Variants in LAMC1 observed in about 807,000 individuals in gnomAD.
LAMC1 encodes laminin subunit gamma-1.
In LAMC1, 38 loss-of-function variants were observed where a neutral mutation model predicts 173.6. That is an observed-to-expected ratio of 0.22 (90% confidence interval 0.17 to 0.29). The LOEUF (loss-of-function observed/expected upper bound fraction) is 0.29. Ranked by LOEUF, LAMC1 falls within the 10% of genes least tolerant of loss-of-function variation. The pLI, the probability that LAMC1 is intolerant of heterozygous loss-of-function variation, is 1.00. For missense variants in LAMC1, 1,824 were observed against 2,051.8 expected (o/e 0.89, Z 2.14); for synonymous variants, 746 against 749.1 (o/e 1.00, Z 0.07).
At chr1:183,037,729 C>G (rs1175099625) in intron 1 of LAMC1, among the ~76,000 whole-genome samples, 5 of 152,086 alleles carry the variant, frequency 3.3e-5, no homozygotes, top group Non-Finnish European at 5.9e-5. Flanking sequence ...TCAGAGGACT[C>G]TTAGATACCT....
chr1:183,121,950 A>G lies in LAMC1; in HGVS notation c.2212+6A>G, dbSNP rs772982580. ...GACCTGTGATCCTGAGACAGGTGAG[A>G]TGATCTTTGGCAGCTCTTAGACCTA... On this transcript the variant is annotated splice_donor_region_variant and intron_variant, in intron 12 of 27. Transcript: ENST00000258341. 2.5e-6 allele frequency: 4 copies of G among 1,613,268 alleles called. No individual in the cohort carries two copies. The highest frequency in any genetic ancestry group is 2.7e-5 in the African/African-American group (2 of 75,052).
intron 1 of LAMC1, among the ~76,000 whole-genome samples, chr1:183,082,745 G>A (rs1655318321): frequency 6.6e-6 from 1 of 152,240 alleles, no homozygotes. Flanking sequence ...AACTAGGCCT[G>A]TAAAGATGTC....
At chr1:183,140,700 A>G (rs1452264713) in intron 27 of LAMC1, 197 bp downstream of exon 27, 2 of 365,908 alleles carry the variant, frequency 5.5e-6, no homozygotes, top group Middle Eastern at 7.4e-4. Flanking sequence ...TTTGTCTTGC[A>G]TGACAGGGTC....
rs148956113 is a variant in LAMC1, at chr1:183,029,009, T to C, written c.418+4875T>C. On this transcript the variant is annotated intron_variant, in intron 1 of 27. Coordinates refer to ENST00000258341, the MANE Select transcript of LAMC1 (RefSeq NM_002293.4). ...GCTCTTTTGGTATTCCCTATCTCAG[T>C]GAACTACACTGCTGTCTAACACTGA... Among the ~76,000 whole-genome samples the C allele has an allele frequency of 3.5e-3, 528 of 152,314 alleles. 4 individuals are homozygous for C. Among genetic ancestry groups the C allele is most frequent in the African/African-American group, 0.012 (515 of 41,576 alleles).
chr1:183,131,291 C>T lies in LAMC1; in HGVS notation c.3487-8C>T. 1 of 1,606,562 alleles carries T rather than the reference C, an allele frequency of 6.2e-7. No individual in the cohort carries two copies. Among genetic ancestry groups the T allele is most frequent in the Non-Finnish European group, 8.5e-7 (1 of 1,173,832 alleles). On this transcript the variant is annotated splice_polypyrimidine_tract_variant and splice_region_variant and intron_variant, in intron 19 of 27. Coordinates refer to ENST00000258341, the MANE Select transcript of LAMC1 (RefSeq NM_002293.4). ...CCTTTGAGAATAAGTGCTTTATTTC[C>T]TGTGCAGTCAGTCACTCAGCCAGAA...
Position 183,117,684 on chromosome 1 carries a change from A to G in LAMC1, c.1838A>G (p.Asn613Ser), listed in dbSNP as rs1194431358. The G allele has an allele frequency of 1.2e-6, 2 of 1,614,216 alleles. No homozygotes were observed. The highest frequency in any genetic ancestry group is 1.7e-4 in the Middle Eastern group (1 of 6,060). The change falls in exon 10 of 28, where the codon AAT becomes AGT. Residue 613 changes from asparagine (N) to serine (S), a missense_variant. Coordinates refer to ENST00000258341, the MANE Select transcript of LAMC1 (RefSeq NM_002293.4). ...RVSVPLIAQG[N>S]SYPSETTVKY... Reference sequence around the variant, plus strand: ...TCTGTACCCTTGATCGCTCAGGGCAATTCCTATCCAAGTGAGACCACTGTG... The same window carrying G: ...TCTGTACCCTTGATCGCTCAGGGCAGTTCCTATCCAAGTGAGACCACTGTG...
chr1:183,048,851 G>A (rs776468237), intron 1 of LAMC1, among the ~76,000 whole-genome samples: 12 of 151,904 alleles, frequency 7.9e-5, no homozygotes, highest in South Asian at 2.1e-4. Context: ...TCTCCCTTCC[G>A]CTCTGTTGTA....
chr1:183,064,061 T>G (rs1654804514), intron 1 of LAMC1, among the ~76,000 whole-genome samples: 1 of 152,184 alleles, frequency 6.6e-6, no homozygotes, highest in Admixed American at 6.5e-5. Flanking sequence ...GTGGGTAAAC[T>G]TTATTATTGT....
Position 183,126,202 on chromosome 1 carries a change from G to A in LAMC1, c.2884G>A (p.Gly962Ser), listed in dbSNP as rs770830260. 2 of 1,614,166 alleles carry A rather than the reference G, an allele frequency of 1.2e-6. No homozygotes were observed. Among genetic ancestry groups the A allele is most frequent in the Admixed American group, 3.3e-5 (2 of 60,020 alleles). ...GQCECQPGITGQHCERCEVNH... is the reference protein window; with the variant it reads ...GQCECQPGITSQHCERCEVNH... ...GTGTGAGTGCCAGCCCGGCATCACT[G>A]GTCAGCACTGTGAGCGCTGTGAGGT... Residue 962 changes from glycine (G) to serine (S), a missense_variant, in exon 16 of 28, where the codon GGT (glycine) becomes AGT (serine). Transcript: ENST00000258341.
intron 1 of LAMC1, among the ~76,000 whole-genome samples, chr1:183,025,238 G>A (rs961792056): frequency 1.3e-5 from 2 of 152,206 alleles, no homozygotes; most frequent in African/African-American, 4.8e-5. Context: ...AAAGGAACAT[G>A]TTGTAGGCAA....
At chr1:183,133,373 G>A (rs770936562) in intron 21 of LAMC1, 33 bp from the exon 22 acceptor site, 3 of 1,582,918 alleles carry the variant, frequency 1.9e-6, no homozygotes, top group African/African-American at 2.7e-5. Context: ...AAGCAGCTAA[G>A]ATTGTCATTA....
chr1:183,116,497 A>G, intron 6 of LAMC1, 80 bp from the exon 7 acceptor site: 1 of 981,238 alleles, frequency 1.0e-6, no homozygotes, highest in Non-Finnish European at 1.5e-6. Context: ...AAATCTGTTA[A>G]CATGTAAAAC....
At chr1:183,032,517 T>G (rs1352912339) in intron 1 of LAMC1, among the ~76,000 whole-genome samples, 1 of 152,132 alleles carries the variant, frequency 6.6e-6, no homozygotes, top group Non-Finnish European at 1.5e-5. Flanking sequence ...TTCACATTGC[T>G]TGCTTTTTTT....
intron 1 of LAMC1, among the ~76,000 whole-genome samples, chr1:183,078,134 T>A (rs1334505229): frequency 6.6e-6 from 1 of 152,196 alleles, no homozygotes; most frequent in African/African-American, 2.4e-5. Context: ...ATCCTGTTGT[T>A]TTCTGCATCT....
intron 11 of LAMC1, among the ~76,000 whole-genome samples, chr1:183,121,109 T>G (rs1656458796): frequency 6.6e-6 from 1 of 152,068 alleles, no homozygotes. Context: ...TAGGGGTACA[T>G]GTGTGTGTTT....
At chr1:183,062,153 T>G (rs892941210) in intron 1 of LAMC1, among the ~76,000 whole-genome samples, 1 of 152,266 alleles carries the variant, frequency 6.6e-6, no homozygotes, top group African/African-American at 2.4e-5. Flanking sequence ...TATGTTTCAA[T>G]CTTCACTTGG....
intron 1 of LAMC1, among the ~76,000 whole-genome samples, chr1:183,098,280 A>G (rs1232041287): frequency 6.6e-6 from 1 of 152,214 alleles, no homozygotes; most frequent in East Asian, 1.9e-4. Flanking sequence ...TTAACAGAAT[A>G]AAAAGCTCCT....
At chr1:183,141,407 C>T (rs1328953969) in intron 27 of LAMC1, 1 of 152,230 alleles carries the variant, frequency 6.6e-6, no homozygotes, top group African/African-American at 2.4e-5. Flanking sequence ...GAGGGGAAAG[C>T]TTTCATGCCA....
At chr1:183,142,165 A>G (rs1049538440) in intron 27 of LAMC1, among the ~76,000 whole-genome samples, 3 of 152,212 alleles carry the variant, frequency 2.0e-5, no homozygotes, top group African/African-American at 2.4e-5. Context: ...TGATGGCACT[A>G]AAATGACATA....
Sources: allele counts gnomAD v4.1 joint callset (sites outside exome capture counted in the v4.1 genomes callset), GRCh38; gene constraint gnomAD v4.1.1; transcripts MANE v1.5; gene names NCBI Gene and HGNC (gene_info 2026-07-23, HGNC 2026-07-21).